Variants in CADPS2 observed in about 807,000 individuals in gnomAD.
CADPS2 encodes calcium dependent secretion activator 2.
A neutral mutation model predicts 172.5 loss-of-function variants in CADPS2; 93 were observed. That is an observed-to-expected ratio of 0.54 (90% confidence interval 0.46 to 0.64). CADPS2 has a LOEUF of 0.64. Ranked by LOEUF, CADPS2 falls within the 30% of genes least tolerant of loss-of-function variation. The pLI, the probability that CADPS2 is intolerant of heterozygous loss-of-function variation, is 0.00. For synonymous variants in CADPS2, 546 were observed against 555.2 expected, an observed-to-expected ratio of 0.98 and a Z score of 0.23; for missense variants, 1,420 against 1,565.9, an observed-to-expected ratio of 0.91 and a Z score of 1.57.
intron 8 of CADPS2, among the ~76,000 whole-genome samples, chr7:122,521,222 A>T (rs2060762572): frequency 1.3e-5 from 2 of 152,148 alleles, no homozygotes; most frequent in Admixed American, 6.6e-5. Context: ...TGGCAGAAGT[A>T]ATCATCCACT....
intron 24 of CADPS2, chr7:122,386,313 G>T: frequency 7.0e-7 from 1 of 1,435,434 alleles, no homozygotes; most frequent in Admixed American, 2.3e-5. Context: ...TACCAAACTG[G>T]ATCATGCCAT....
chr7:122,640,398 A>C (rs999644693), intron 3 of CADPS2, among the ~76,000 whole-genome samples: 3 of 152,084 alleles, frequency 2.0e-5, no homozygotes, highest in Non-Finnish European at 4.4e-5. Context: ...AAACTCTGTC[A>C]CAGTGAAAAT....
Position 122,663,374 on chromosome 7 carries a change from A to G in CADPS2, c.649T>C (p.Leu217=). 2 of 1,613,980 alleles carry G rather than the reference A, an allele frequency of 1.2e-6. No homozygotes were observed. The highest frequency in any genetic ancestry group is 1.7e-6 in the Non-Finnish European group (2 of 1,179,896). The change falls in exon 3 of 30, where the codon TTG becomes CTG. Residue 217 remains leucine, a synonymous_variant. Transcript: ENST00000449022. ...YDAIYRGEED[L]CKQPNRMALS... is the part of the protein sequence containing the mutation. ...GCCATTCTATTTGGCTGTTTGCACA[A>G]GTCCTCTTCACCTCTGTAAATGGCA...
At chr7:122,572,772 TG>T (rs2067445134) in intron 7 of CADPS2, among the ~76,000 whole-genome samples, 1 of 152,162 alleles carries the variant, frequency 6.6e-6, no homozygotes, top group African/African-American at 2.4e-5. Flanking sequence ...TACTTAGGGA[TG>T]CTTGACTGGT....
intron 1 of CADPS2, among the ~76,000 whole-genome samples, chr7:122,778,584 C>T (rs1230389264): frequency 6.6e-6 from 1 of 152,166 alleles, no homozygotes; most frequent in Non-Finnish European, 1.5e-5. Context: ...GCCCAGTGAC[C>T]CTTTGCTGTG....
chr7:122,715,449 C>A (rs561158753), intron 2 of CADPS2, among the ~76,000 whole-genome samples: 1 of 152,200 alleles, frequency 6.6e-6, no homozygotes, highest in East Asian at 1.9e-4. Context: ...TCTTTTATAA[C>A]TGACACAGGA....
intron 3 of CADPS2, among the ~76,000 whole-genome samples, chr7:122,656,249 G>C (rs1312271604): frequency 6.6e-6 from 1 of 152,074 alleles, no homozygotes; most frequent in East Asian, 1.9e-4. Flanking sequence ...ATCCAAAAAA[G>C]ATCCCTGTAT....
At chr7:122,702,788 CA>C in intron 2 of CADPS2, 2 of 1,424,814 alleles carry the variant, frequency 1.4e-6, no homozygotes, top group Non-Finnish European at 1.9e-6. Context: ...CATGAGAAAA[CA>C]AAACAACATC....
chr7:122,645,643 TAC>T (rs2078436369), intron 3 of CADPS2, among the ~76,000 whole-genome samples: 2 of 91,842 alleles, frequency 2.2e-5, no homozygotes, highest in African/African-American at 3.9e-5. Flanking sequence ...TACTCTAAGA[TAC>T]ATATATCTCT....
chr7:122,322,756 T>C (rs1057396324), intron 29 of CADPS2, among the ~76,000 whole-genome samples: 3 of 152,348 alleles, frequency 2.0e-5, no homozygotes, highest in Admixed American at 2.0e-4. Context: ...TTTTTCTTAG[T>C]GTGCAACATG....
intron 3 of CADPS2, among the ~76,000 whole-genome samples, chr7:122,645,529 T>TTA: frequency 3.5e-4 from 9 of 25,642 alleles, no homozygotes; most frequent in African/African-American, 1.3e-3. Context: ...TATATATAAG[T>TTA]ATATATATAT....
chr7:122,469,006 G>C (rs1450290446), intron 14 of CADPS2, among the ~76,000 whole-genome samples: 1 of 152,164 alleles, frequency 6.6e-6, no homozygotes, highest in Non-Finnish European at 1.5e-5. Flanking sequence ...TAAACTTTGG[G>C]AAAGTGGATT....
At chr7:122,516,170 A>T (rs2060360190) in intron 8 of CADPS2, among the ~76,000 whole-genome samples, 1 of 152,170 alleles carries the variant, frequency 6.6e-6, no homozygotes, top group African/African-American at 2.4e-5. Context: ...GGGATTAGGT[A>T]TCAAGTATCC....
At chr7:122,727,568 C>T (rs1233064248) in intron 2 of CADPS2, among the ~76,000 whole-genome samples, 1 of 151,758 alleles carries the variant, frequency 6.6e-6, no homozygotes, top group Non-Finnish European at 1.5e-5. Flanking sequence ...AAAATTGACA[C>T]TCTCAGTTTC....
chr7:122,799,643 A>C (rs1009159272), intron 1 of CADPS2, among the ~76,000 whole-genome samples: 8 of 151,682 alleles, frequency 5.3e-5, no homozygotes, highest in Admixed American at 5.3e-4. Flanking sequence ...AGCTATCTAG[A>C]ATGCAATTAA....
chr7:122,621,781 T>C (rs1443755586), intron 4 of CADPS2, 64 bp from the exon 5 acceptor site: 14 of 880,932 alleles, frequency 1.6e-5, no homozygotes, highest in Admixed American at 2.6e-5. Context: ...TCATACAAAA[T>C]TGTATGATAT....
intron 7 of CADPS2, among the ~76,000 whole-genome samples, chr7:122,575,629 G>T (rs2067930748): frequency 6.6e-6 from 1 of 151,786 alleles, no homozygotes; most frequent in Admixed American, 6.6e-5. Context: ...TAGAGATGAG[G>T]TTTCACCATG....
At chr7:122,711,206 T>A (rs558818709) in intron 2 of CADPS2, among the ~76,000 whole-genome samples, 138 of 152,222 alleles carry the variant, frequency 9.1e-4, no homozygotes, top group Non-Finnish European at 1.8e-3. Flanking sequence ...TTCATCTACA[T>A]CTCTGTATCT....
At chr7:122,430,625 G>T (rs944029260) in intron 17 of CADPS2, among the ~76,000 whole-genome samples, 1 of 152,076 alleles carries the variant, frequency 6.6e-6, no homozygotes, top group African/African-American at 2.4e-5. Context: ...TTTTAATAGG[G>T]TAAGTCAAAG....
Sources: allele counts gnomAD v4.1 joint callset (sites outside exome capture counted in the v4.1 genomes callset), GRCh38; gene constraint gnomAD v4.1.1; transcripts MANE v1.5; gene names NCBI Gene and HGNC (gene_info 2026-07-23, HGNC 2026-07-21).